Variants in ATXN1 observed in about 807,000 individuals in gnomAD.
ATXN1 encodes ataxin 1, also known as ataxin-1.
Under a neutral mutation model 56.4 loss-of-function variants are expected in ATXN1, and 8 were observed. The observed-to-expected ratio is 0.14, with a 90% CI of 0.08 to 0.26. The LOEUF (loss-of-function observed/expected upper bound fraction) is 0.26, where lower values mean the gene tolerates loss of function less well. ATXN1 is among the 10% of genes least tolerant of loss of function. The pLI is 1.00. For missense variants in ATXN1, 987 were observed against 1,106.5 expected (o/e 0.89, Z 1.53); for synonymous variants, 514 against 494.6 (o/e 1.04, Z -0.52).
chr6:16,578,416 T>C (rs537793909), intron 4 of ATXN1, among the ~76,000 whole-genome samples: 4 of 152,370 alleles, frequency 2.6e-5, no homozygotes, highest in Non-Finnish European at 5.9e-5. Flanking sequence ...TTTATCACAA[T>C]GGCTACCCCA....
At chr6:16,667,539 A>G (rs1461087258) in intron 2 of ATXN1, 3 of 152,210 alleles carry the variant, frequency 2.0e-5, no homozygotes, top group African/African-American at 7.2e-5. Context: ...ACATGAGGAT[A>G]GAGCACTGAT....
chr6:16,452,275 T>C (rs950780188), intron 6 of ATXN1, among the ~76,000 whole-genome samples: 3 of 152,186 alleles, frequency 2.0e-5, no homozygotes, highest in African/African-American at 7.2e-5. Context: ...ATTCAATAAA[T>C]ATTTAGGGAA....
intron 6 of ATXN1, among the ~76,000 whole-genome samples, chr6:16,405,276 C>T (rs1456817074): frequency 6.6e-6 from 1 of 152,222 alleles, no homozygotes; most frequent in Non-Finnish European, 1.5e-5. Context: ...GCATCTATAT[C>T]ACACCAATAA....
At chr6:16,719,830 G>A (rs991820027) in intron 2 of ATXN1, among the ~76,000 whole-genome samples, 10 of 152,130 alleles carry the variant, frequency 6.6e-5, no homozygotes, top group South Asian at 2.1e-4. Flanking sequence ...GCCAAGGAAC[G>A]CCTGGAACCA....
chr6:16,594,484 T>C (rs1355634611), intron 3 of ATXN1, among the ~76,000 whole-genome samples: 1 of 150,946 alleles, frequency 6.6e-6, no homozygotes, highest in Non-Finnish European at 1.5e-5. Context: ...TTTTTTTTTT[T>C]TTATTTATTT....
chr6:16,554,752 C>A (rs575268406), intron 4 of ATXN1, among the ~76,000 whole-genome samples: 91 of 152,144 alleles, frequency 6.0e-4, no homozygotes, highest in Non-Finnish European at 1.1e-3. Context: ...CCACGCCCGG[C>A]TAATTTTTTT....
intron 6 of ATXN1, among the ~76,000 whole-genome samples, chr6:16,483,738 AG>A (rs1238205336): frequency 2.0e-5 from 3 of 152,244 alleles, no homozygotes; most frequent in Admixed American, 6.5e-5. Flanking sequence ...GAGGTCTGAC[AG>A]GGTGTCACAT....
At chr6:16,489,456 T>C (rs1454581459) in intron 5 of ATXN1, among the ~76,000 whole-genome samples, 1 of 152,186 alleles carries the variant, frequency 6.6e-6, no homozygotes, top group East Asian at 1.9e-4. Flanking sequence ...TCCAATCCAT[T>C]ACATCTTAAG....
intron 2 of ATXN1, among the ~76,000 whole-genome samples, chr6:16,684,329 C>T (rs1758873518): frequency 6.6e-6 from 1 of 152,126 alleles, no homozygotes; most frequent in Non-Finnish European, 1.5e-5. Context: ...CTTATTGAAA[C>T]TTGAGAGTCG....
chr6:16,416,026 C>T (rs1758898040), intron 6 of ATXN1, among the ~76,000 whole-genome samples: 1 of 133,714 alleles, frequency 7.5e-6, no homozygotes, highest in Admixed American at 8.3e-5. Flanking sequence ...ACATATAAGT[C>T]AATAATGCAA....
At chr6:16,761,215 G>A (rs1184103648) in intron 1 of ATXN1, 83 bp downstream of exon 1, 1 of 391,572 alleles carries the variant, frequency 2.6e-6, no homozygotes, top group East Asian at 7.2e-5. Context: ...ATCGGGGGAG[G>A]AGGGATTTTA....
chr6:16,423,252 C>T (rs140657248), intron 6 of ATXN1, among the ~76,000 whole-genome samples: 72 of 152,272 alleles, frequency 4.7e-4, no homozygotes, highest in African/African-American at 1.6e-3. Context: ...CCCATCCTCA[C>T]GGCCTTCTAC....
chr6:16,503,411 T>G (rs1247639781), intron 5 of ATXN1, among the ~76,000 whole-genome samples: 1 of 152,232 alleles, frequency 6.6e-6, no homozygotes, highest in Non-Finnish European at 1.5e-5. Context: ...CTGCACACAC[T>G]GCACCATGCT....
chr6:16,585,239 C>T (rs550989140), intron 4 of ATXN1, among the ~76,000 whole-genome samples: 1 of 151,850 alleles, frequency 6.6e-6, no homozygotes, highest in South Asian at 2.1e-4. Context: ...AGAGTGAGAC[C>T]CTATCTCAAG....
intron 2 of ATXN1, among the ~76,000 whole-genome samples, chr6:16,673,572 A>G (rs1339663142): frequency 1.3e-5 from 2 of 152,180 alleles, no homozygotes; most frequent in African/African-American, 2.4e-5. Flanking sequence ...TTTGGGCCAG[A>G]TGATCCTTGG....
chr6:16,630,973 T>C (rs1319852642), intron 3 of ATXN1, among the ~76,000 whole-genome samples: 1 of 152,246 alleles, frequency 6.6e-6, no homozygotes, highest in South Asian at 2.1e-4. Context: ...TGTTGGCTTA[T>C]GAAGGACCCT....
rs553896504 is a variant in ATXN1, at chr6:16,375,668, A to AT, written c.-160-47199dup. On this transcript the variant is annotated intron_variant, in intron 6 of 7. Coordinates refer to ENST00000436367, the MANE Select transcript of ATXN1 (RefSeq NM_001128164.2). Reference sequence around the variant, plus strand: ...ATCAGACCACAATGCTTGTATCTTTATTTTTTTTTTTCCTGCTCATTGCCT... The same window carrying AT: ...ATCAGACCACAATGCTTGTATCTTTATTTTTTTTTTTTCCTGCTCATTGCCT... 3.0e-3 allele frequency among the ~76,000 whole-genome samples: 450 copies of AT among 147,666 alleles called. 1 individual carries two copies. Among genetic ancestry groups the AT allele is most frequent in the African/African-American group, 9.5e-3 (384 of 40,402 alleles).
intron 6 of ATXN1, among the ~76,000 whole-genome samples, chr6:16,435,504 TC>T (rs1759371011): frequency 6.6e-6 from 1 of 151,916 alleles, no homozygotes; most frequent in East Asian, 1.9e-4. Flanking sequence ...ACAGTGGTGT[TC>T]AGGAAGCCAA....
chr6:16,633,222 C>T (rs1170867383), intron 3 of ATXN1, among the ~76,000 whole-genome samples: 1 of 152,092 alleles, frequency 6.6e-6, no homozygotes, highest in Admixed American at 6.5e-5. Flanking sequence ...ATAAGATTCT[C>T]TTGTTGGGTA....
Sources: gnomAD v4.1 joint callset for allele counts (sites outside exome capture counted in the v4.1 genomes callset) on GRCh38, gnomAD v4.1.1 for gene constraint, MANE v1.5 for transcripts, NCBI Gene and HGNC (gene_info 2026-07-23, HGNC 2026-07-21) for gene names.